The following RPS6KA5 variants were observed in gnomAD, a reference collection of about 807,000 sequenced individuals.
RPS6KA5 encodes the protein ribosomal protein S6 kinase alpha-5.
RPS6KA5 carries 27 observed loss-of-function variants against 85.5 expected under a neutral mutation model. The ratio of observed to expected loss-of-function variants is 0.32; its 90% CI spans 0.23 to 0.44. RPS6KA5 has a LOEUF of 0.44. Among genes scored for constraint, RPS6KA5 ranks in the 20% least tolerant of loss-of-function variants. The pLI, the probability that RPS6KA5 is intolerant of heterozygous loss-of-function variation, is 1.00. For synonymous variants in RPS6KA5, 334 were observed against 348.2 expected (o/e 0.96, Z 0.46); for missense variants, 811 against 980.9 (o/e 0.83, Z 2.31).
At chr14:91,001,544 G>A (rs1203343752) in intron 1 of RPS6KA5, among the ~76,000 whole-genome samples, 1 of 152,146 alleles carries the variant, frequency 6.6e-6, no homozygotes, top group Non-Finnish European at 1.5e-5. Context: ...CATTTACTGA[G>A]TATCTATTAA....
At chr14:90,894,331 C>G in intron 13 of RPS6KA5, 82 bp downstream of exon 13, 1 of 1,409,450 alleles carries the variant, frequency 7.1e-7, no homozygotes. Flanking sequence ...AAGGAAACCT[C>G]CCCAGAAACT....
rs2035487522 is a variant in RPS6KA5 at position 90,906,133 on chromosome 14, T to C, written c.957+16A>G. On this transcript the variant is annotated intron_variant, in intron 8 of 16. Transcript: ENST00000614987. ...GGCAAGGAGTATGAAACCATTTATC[T>C]ATTCAATAATTTCACCTGAAAGAAG... The C allele has an allele frequency of 6.3e-7, 1 of 1,581,012 alleles. No individual in the cohort carries two copies.
chr14:90,968,991 T>C (rs1298427317), intron 3 of RPS6KA5, among the ~76,000 whole-genome samples: 1 of 152,230 alleles, frequency 6.6e-6, no homozygotes, highest in Non-Finnish European at 1.5e-5. Context: ...TATTTAACAG[T>C]AGCAAGTAGA....
chr14:90,900,830 AC>A, intron 9 of RPS6KA5, 94 bp from the exon 10 acceptor site: 1 of 1,032,662 alleles, frequency 9.7e-7, no homozygotes, highest in Non-Finnish European at 1.4e-6. Context: ...CCTTAGAAAA[AC>A]ACTCAAATAT....
rs1595076351 is a variant in RPS6KA5 at position 90,853,945 on chromosome 14, G to A, written c.*18129C>T. On this transcript the variant is annotated 3_prime_UTR_variant, in exon 17 of 17. Coordinates refer to ENST00000614987, the MANE Select transcript of RPS6KA5 (RefSeq NM_004755.4). ...AAACTCTGTATATACCAGTACAGGT[G>A]GGGGATTACTGGCAGGGCAGATAGT... 1 of 152,250 alleles carries A rather than the reference G, an allele frequency of 6.6e-6. No individual in the cohort carries two copies. Among genetic ancestry groups the A allele is most frequent in the African/African-American group, 2.4e-5 (1 of 41,532 alleles). 9.4% of individuals were successfully genotyped at this position (152,250 alleles called of 1,614,324 possible). A position where few individuals can be genotyped will look rare whatever the true frequency, so the allele number is the denominator to read the frequency against.
intron 5 of RPS6KA5, among the ~76,000 whole-genome samples, chr14:90,927,839 T>A (rs2140310322): frequency 6.6e-6 from 1 of 152,156 alleles, no homozygotes; most frequent in South Asian, 2.1e-4. Context: ...ATTTGAATGA[T>A]ATTCATGAAA....
intron 1 of RPS6KA5, among the ~76,000 whole-genome samples, chr14:91,044,319 A>C (rs199694763): frequency 8.2e-6 from 1 of 121,960 alleles, no homozygotes. Flanking sequence ...GAGAGAGAGA[A>C]AGAGAGAGAG....
rs10615964 is a variant in RPS6KA5 at position 90,916,679 on chromosome 14, TCACACA to T, written c.806+3521_806+3526del. 6.6e-5 allele frequency among the ~76,000 whole-genome samples: 10 copies of T among 150,692 alleles called. No homozygotes were observed. In the South Asian group the frequency reaches 1.1e-3, roughly 16 times the overall value. ...TTATCACATTGTTTGTAAATTTCTG[TCACACA>T]CACACACACACACACAAAACCATGA... On this transcript the variant is annotated intron_variant, in intron 7 of 16. Transcript: ENST00000614987.
intron 3 of RPS6KA5, among the ~76,000 whole-genome samples, chr14:90,963,282 C>T (rs540607689): frequency 4.8e-4 from 73 of 152,294 alleles, no homozygotes; most frequent in African/African-American, 1.7e-3. Flanking sequence ...TCAGGAAGCA[C>T]GGATGTTAGT....
At chr14:90,905,319 C>T (rs561132332) in intron 8 of RPS6KA5, among the ~76,000 whole-genome samples, 1 of 152,054 alleles carries the variant, frequency 6.6e-6, no homozygotes, top group South Asian at 2.1e-4. Flanking sequence ...AATGTAAAAG[C>T]TTAATTTACA....
chr14:90,883,922 G>A (rs7155281), intron 14 of RPS6KA5, among the ~76,000 whole-genome samples: 52,144 of 152,118 alleles, frequency 0.34, 9,256 homozygotes, highest in East Asian at 0.48. Context: ...GGCATGCCTG[G>A]TAGCTTTCTA....
At chr14:91,046,421 G>C (rs1184459956) in intron 1 of RPS6KA5, among the ~76,000 whole-genome samples, 1 of 152,092 alleles carries the variant, frequency 6.6e-6, no homozygotes, top group Non-Finnish European at 1.5e-5. Context: ...AGTAACATTA[G>C]TATAAAGGTA....
chr14:91,028,248 T>TA (rs1316380479), intron 1 of RPS6KA5, among the ~76,000 whole-genome samples: 1 of 152,122 alleles, frequency 6.6e-6, no homozygotes, highest in Non-Finnish European at 1.5e-5. Flanking sequence ...TTTTTTTTTT[T>TA]AGACAGAGTC....
chr14:90,894,089 A>G (rs2140206345), intron 13 of RPS6KA5: 2 of 974,444 alleles, frequency 2.1e-6, no homozygotes, highest in South Asian at 4.8e-5. Context: ...AATTATATGT[A>G]AGAGATATTA....
chr14:90,920,093 T>A (rs904553476), intron 7 of RPS6KA5, 113 bp downstream of exon 7: 52 of 756,842 alleles, frequency 6.9e-5, no homozygotes, highest in African/African-American at 4.0e-4. Context: ...CACATAAACA[T>A]CACTTTGTCT....
In RPS6KA5 at chr14:90,853,308, C is replaced by G. The variant is rs1464248095; in HGVS notation, c.*18766G>C. On this transcript the variant is annotated 3_prime_UTR_variant, in exon 17 of 17. Coordinates refer to ENST00000614987, the MANE Select transcript of RPS6KA5 (RefSeq NM_004755.4). ...CAAAAAACAAAACAAAAGCCAAAACCTAGCAGAAACAAATGACTAATCAAA... is the reference window on the plus strand; with the variant it reads ...CAAAAAACAAAACAAAAGCCAAAACGTAGCAGAAACAAATGACTAATCAAA... The G allele has an allele frequency of 6.6e-6, 1 of 152,140 alleles. No individual in the cohort carries two copies. Among genetic ancestry groups the G allele is most frequent in the South Asian group, 2.1e-4 (1 of 4,810 alleles). The allele number at this position is 152,140 out of a possible 1,614,324, so 9.4% of individuals were successfully genotyped here. A position where few individuals can be genotyped will look rare whatever the true frequency, so the allele number is the denominator to read the frequency against.
chr14:90,876,842 A>C (rs764439976), intron 14 of RPS6KA5, among the ~76,000 whole-genome samples: 30 of 152,190 alleles, frequency 2.0e-4, no homozygotes, highest in Non-Finnish European at 3.4e-4. Flanking sequence ...AAGCCACAGG[A>C]TGTTCCGGTG....
At chr14:91,012,291 AT>A (rs1294439036) in intron 1 of RPS6KA5, among the ~76,000 whole-genome samples, 1 of 152,128 alleles carries the variant, frequency 6.6e-6, no homozygotes, top group Non-Finnish European at 1.5e-5. Flanking sequence ...CTAACCTCTA[AT>A]TTTCAAGTTC....
At chr14:90,943,956 C>T (rs986176584) in intron 4 of RPS6KA5, among the ~76,000 whole-genome samples, 2 of 152,116 alleles carry the variant, frequency 1.3e-5, no homozygotes, top group African/African-American at 4.8e-5. Context: ...GGGCTAAAGC[C>T]ATCCTCCCAC....
Sources: allele counts gnomAD v4.1 joint callset (sites outside exome capture counted in the v4.1 genomes callset), GRCh38; gene constraint gnomAD v4.1.1; transcripts MANE v1.5; gene names NCBI Gene and HGNC (gene_info 2026-07-23, HGNC 2026-07-21).